The following PCDHGB7 variants were observed in gnomAD, a reference collection of about 807,000 sequenced individuals.
PCDHGB7 encodes protocadherin gamma subfamily B, 7.
PCDHGB7 carries 37 observed loss-of-function variants against 61.4 expected under a neutral mutation model. The ratio of observed to expected loss-of-function variants is 0.60; its 90% CI spans 0.46 to 0.79. The LOEUF (loss-of-function observed/expected upper bound fraction) is 0.79. Among genes scored for constraint, PCDHGB7 ranks in the 30% least tolerant of loss-of-function variants. The pLI, the probability that PCDHGB7 is intolerant of heterozygous loss-of-function variation, is 0.00. For missense variants in PCDHGB7, 1,166 were observed against 1,202.5 expected (o/e 0.97, Z 0.45); for synonymous variants, 464 against 503.5 (o/e 0.92, Z 1.05).
chr5:141,452,358 T>C (rs2098739424), intron 1 of PCDHGB7, among the ~76,000 whole-genome samples: 1 of 152,236 alleles, frequency 6.6e-6, no homozygotes, highest in African/African-American at 2.4e-5. Context: ...CCAAAAGCCT[T>C]GCTTCATTTT....
chr5:141,478,164 C>A (rs202185809), intron 1 of PCDHGB7: 2 of 1,614,010 alleles, frequency 1.2e-6, no homozygotes, highest in African/African-American at 1.3e-5. Context: ...GGCTCTGCCC[C>A]CCGGGAGCAG....
intron 1 of PCDHGB7, chr5:141,441,954 CA>C (rs1240871171): frequency 3.1e-6 from 1 of 319,488 alleles, no homozygotes; most frequent in Non-Finnish European, 6.0e-6. Flanking sequence ...TGCAGGCCAG[CA>C]AGCCCAGGCT....
At position 141,487,033 on chromosome 5, in the gene PCDHGB7, A is replaced by C. The variant is rs1465525110; in HGVS notation, c.2416-7774A>C. ...AGGCCCCAGATCCCAGCCTGTTTGC[A>C]GTCTCTCGATATGCTGGGGAGGTGC... On this transcript the variant is annotated intron_variant, in intron 1 of 3. Transcript: ENST00000398594. This position sits in a 1 kb window ranked among gnomAD's most constrained non-coding sequence, Gnocchi z 5.0. 3 of 1,614,160 alleles carry C rather than the reference A, an allele frequency of 1.9e-6. No individual in the cohort carries two copies. Among genetic ancestry groups the C allele is most frequent in the Non-Finnish European group, 2.5e-6 (3 of 1,180,032 alleles).
intron 1 of PCDHGB7, among the ~76,000 whole-genome samples, chr5:141,467,296 A>T (rs1032802325): frequency 1.3e-5 from 2 of 151,740 alleles, no homozygotes; most frequent in South Asian, 4.2e-4. Flanking sequence ...CAAGTGATCC[A>T]CTCACCTCGG....
chr5:141,432,561 A>C lies in PCDHGB7; in HGVS notation c.2415+12287A>C, dbSNP rs746684751. On this transcript the variant is annotated intron_variant, in intron 1 of 3. Transcript: ENST00000398594. This position sits in a 1 kb window ranked among gnomAD's most constrained non-coding sequence, Gnocchi z 6.0. Reference sequence around the variant, plus strand: ...GCGGTGGACAGAGACTCCGGCCAGAACGCCTGGCTGTCCTACCGTCTGCTC... The same window carrying C: ...GCGGTGGACAGAGACTCCGGCCAGACCGCCTGGCTGTCCTACCGTCTGCTC... 37 of 1,613,308 alleles carry C rather than the reference A, an allele frequency of 2.3e-5. 1 individual carries two copies. The highest frequency in any genetic ancestry group is 2.7e-5 in the African/African-American group (2 of 74,712).
intron 1 of PCDHGB7, chr5:141,428,659 G>A: frequency 6.1e-6 from 1 of 164,982 alleles, no homozygotes; most frequent in East Asian, 1.8e-4. Context: ...GAGTTCCAAT[G>A]AATGTCTTTC....
chr5:141,455,314 T>G (rs565911988), intron 1 of PCDHGB7, among the ~76,000 whole-genome samples: 15 of 152,208 alleles, frequency 9.9e-5, no homozygotes, highest in African/African-American at 3.4e-4. Flanking sequence ...ATTAGCAATT[T>G]TGTGTGTGTG....
rs749499883 is a variant in PCDHGB7 at position 141,486,382 on chromosome 5, C to T, written c.2416-8425C>T. ...TTGCCCTCAAGTCTGCCTTCAGGAA[C>T]CAGTTCTCCCTGGTGACTGCTGGAC... is the stretch of plus-strand genomic sequence containing the variant. On this transcript the variant is annotated intron_variant, in intron 1 of 3. Transcript: ENST00000398594. The surrounding 1 kb of genome is among the most constrained non-coding windows in gnomAD (Gnocchi z 5.0). 25 of 1,613,986 alleles carry T rather than the reference C, an allele frequency of 1.5e-5. No homozygotes were observed. The highest frequency in any genetic ancestry group is 1.9e-5 in the Non-Finnish European group (23 of 1,179,998).
chr5:141,474,993 C>A (rs1313232385), intron 1 of PCDHGB7, among the ~76,000 whole-genome samples: 24 of 152,324 alleles, frequency 1.6e-4, no homozygotes. Context: ...GACAACAATT[C>A]TAAATGCAGA....
At position 141,491,390 on chromosome 5, in the gene PCDHGB7, T is replaced by C; in HGVS notation, c.2416-3417T>C. 6.2e-7 allele frequency: 1 copy of C among 1,614,130 alleles called. No homozygotes were observed. Among genetic ancestry groups the C allele is most frequent in the Non-Finnish European group, 8.5e-7 (1 of 1,179,988 alleles). ...TTCACCTTTCTGTCAGCGAAGTGCC[T>C]TCAGGGAAACGCAGACGGGGACGGG... On this transcript the variant is annotated intron_variant, in intron 1 of 3. Coordinates refer to ENST00000398594, the MANE Select transcript of PCDHGB7 (RefSeq NM_018927.4). This position sits in a 1 kb window ranked among gnomAD's most constrained non-coding sequence, Gnocchi z 6.9.
intron 1 of PCDHGB7, chr5:141,422,951 G>C (rs1382138030): frequency 3.7e-6 from 6 of 1,614,236 alleles, no homozygotes; most frequent in South Asian, 3.3e-5. Flanking sequence ...GGCTCCACTG[G>C]CGTGGAGCTG....
At chr5:141,460,035 A>G (rs1246945474) in intron 1 of PCDHGB7, among the ~76,000 whole-genome samples, 1 of 152,140 alleles carries the variant, frequency 6.6e-6, no homozygotes, top group Non-Finnish European at 1.5e-5. Context: ...CCGAGACTGC[A>G]CCACTGCACT....
intron 3 of PCDHGB7, among the ~76,000 whole-genome samples, chr5:141,510,214 A>G (rs1047332886): frequency 6.6e-6 from 1 of 151,406 alleles, no homozygotes; most frequent in Non-Finnish European, 1.5e-5. Context: ...CAGAGGTTGC[A>G]GTGAGCCGGG....
chr5:141,478,013 C>G (rs768425714), intron 1 of PCDHGB7: 6 of 1,614,136 alleles, frequency 3.7e-6, no homozygotes. Flanking sequence ...TACTGCCCGT[C>G]CAGTCCAAGA....
chr5:141,487,880 G>T lies in PCDHGB7; in HGVS notation c.2416-6927G>T, dbSNP rs1008153773. ...ATTGGTGATCAAGAGCCAGGCTGTTGTGGAAGCATGATGATGGAATGTGGG... is the reference window on the plus strand; with the variant it reads ...ATTGGTGATCAAGAGCCAGGCTGTTTTGGAAGCATGATGATGGAATGTGGG... On this transcript the variant is annotated intron_variant, in intron 1 of 3. Transcript: ENST00000398594. The surrounding 1 kb of genome is among the most constrained non-coding windows in gnomAD (Gnocchi z 5.0). The T allele has an allele frequency of 3.8e-6, 3 of 784,896 alleles. No individual in the cohort carries two copies. Among genetic ancestry groups the T allele is most frequent in the Non-Finnish European group, 6.0e-6 (3 of 497,074 alleles). 48.6% of individuals were successfully genotyped at this position (784,896 alleles called of 1,614,324 possible).
chr5:141,485,172 C>T lies in PCDHGB7; in HGVS notation c.2416-9635C>T, dbSNP rs377648315. 3.9e-5 allele frequency: 62 copies of T among 1,610,044 alleles called. No individual in the cohort carries two copies. The highest frequency in any genetic ancestry group is 5.1e-5 in the Non-Finnish European group (60 of 1,176,944). On this transcript the variant is annotated intron_variant, in intron 1 of 3. Coordinates refer to ENST00000398594, the MANE Select transcript of PCDHGB7 (RefSeq NM_018927.4). The surrounding 1 kb of genome is among the most constrained non-coding windows in gnomAD (Gnocchi z 5.7). ...CAAGTAGAGAATTAGCGGGCGGCAGCAATGCTCCGCAAGGTGAGAAGCTGG... is the reference window on the plus strand; with the variant it reads ...CAAGTAGAGAATTAGCGGGCGGCAGTAATGCTCCGCAAGGTGAGAAGCTGG...
rs369206085 is a variant in PCDHGB7 at position 141,490,515 on chromosome 5, G to A, written c.2416-4292G>A. On this transcript the variant is annotated intron_variant, in intron 1 of 3. Transcript: ENST00000398594. The surrounding 1 kb of genome is among the most constrained non-coding windows in gnomAD (Gnocchi z 5.4). ...CATCCCACTATATCATCGAGCTGCT[G>A]GCCAGCGATGCTGGTTCACCTTCCC... The A allele has an allele frequency of 2.3e-5, 37 of 1,613,840 alleles. No individual in the cohort carries two copies. In the Middle Eastern group the frequency reaches 1.2e-3, roughly 50 times the overall value.
intron 3 of PCDHGB7, among the ~76,000 whole-genome samples, chr5:141,506,861 G>A (rs2099856791): frequency 6.6e-6 from 1 of 152,178 alleles, no homozygotes; most frequent in African/African-American, 2.4e-5. Context: ...TGGAGGACTG[G>A]TGGGTAGAGA....
chr5:141,455,936 C>T (rs1194722770), intron 1 of PCDHGB7, among the ~76,000 whole-genome samples: 3 of 151,422 alleles, frequency 2.0e-5, no homozygotes, highest in East Asian at 3.9e-4. Flanking sequence ...CTCGCTCTGT[C>T]GCCCAGGCTG....
Sources: gnomAD v4.1 joint callset for allele counts (sites outside exome capture counted in the v4.1 genomes callset) on GRCh38, gnomAD v4.1.1 for gene constraint, Gnocchi (gnomAD v3.1) non-coding constraint, MANE v1.5 for transcripts, NCBI Gene and HGNC (gene_info 2026-07-23, HGNC 2026-07-21) for gene names.